MEF2A: variants seen among roughly 807,000 people sequenced by gnomAD.
MEF2A encodes myocyte enhancer factor 2A.
Under a neutral mutation model 55.8 loss-of-function variants are expected in MEF2A, and 28 were observed. The ratio of observed to expected loss-of-function variants is 0.50; its 90% CI spans 0.37 to 0.69. MEF2A has a LOEUF of 0.69. Ranked by LOEUF, MEF2A falls within the 30% of genes least tolerant of loss-of-function variation. The probability of loss-of-function intolerance (pLI) is 0.00; values close to 1 mark genes in which losing one functional copy is unlikely to be tolerated. For synonymous variants in MEF2A, 239 were observed against 227.1 expected, an observed-to-expected ratio of 1.05 and a Z score of -0.47; for missense variants, 528 against 626.2, an observed-to-expected ratio of 0.84 and a Z score of 1.67.
At chr15:99,602,375 A>G (rs567029357) in intron 2 of MEF2A, among the ~76,000 whole-genome samples, 1 of 152,168 alleles carries the variant, frequency 6.6e-6, no homozygotes, top group Non-Finnish European at 1.5e-5. Context: ...CTGAAGTCGT[A>G]TGTATGCTTC....
intron 7 of MEF2A, among the ~76,000 whole-genome samples, chr15:99,687,119 G>T (rs567487245): frequency 2.2e-5 from 3 of 136,406 alleles, no homozygotes; most frequent in African/African-American, 5.5e-5. Flanking sequence ...TGTAGAGACG[G>T]GGTTTCACCA....
Position 99,689,740 on chromosome 15 carries a change from C to T in MEF2A, c.671-501C>T, listed in dbSNP as rs574450206. Among the ~76,000 whole-genome samples, 38 of 152,282 alleles carry T rather than the reference C, an allele frequency of 2.5e-4. 1 individual carries two copies. Among genetic ancestry groups the T allele is most frequent in the African/African-American group, 8.4e-4 (35 of 41,558 alleles). ...AAGTGATTCACCCTCCTCGGCATAC[C>T]GAAGTGCTGGGATTACAGGCGTGAG... On this transcript the variant is annotated intron_variant, in intron 7 of 11. Transcript: ENST00000557942.
intron 1 of MEF2A, among the ~76,000 whole-genome samples, chr15:99,596,009 C>G (rs1311677986): frequency 6.6e-6 from 1 of 151,998 alleles, no homozygotes; most frequent in Non-Finnish European, 1.5e-5. Flanking sequence ...TGACTCAGCA[C>G]TAACATTCTA....
intron 1 of MEF2A, among the ~76,000 whole-genome samples, chr15:99,569,017 TA>T (rs781127689): frequency 1.2e-4 from 18 of 152,130 alleles, no homozygotes; most frequent in Admixed American, 6.5e-4. Context: ...ATAATAAGTG[TA>T]AATATGGAAA....
intron 5 of MEF2A, among the ~76,000 whole-genome samples, chr15:99,673,132 T>A (rs117693346): frequency 1.2e-4 from 18 of 152,332 alleles, no homozygotes; most frequent in Non-Finnish European, 2.4e-4. Flanking sequence ...CATGTCAGGT[T>A]TGGAATTCTC....
chr15:99,697,213 C>T (rs1232498032), intron 8 of MEF2A, among the ~76,000 whole-genome samples: 1 of 151,490 alleles, frequency 6.6e-6, no homozygotes, highest in Non-Finnish European at 1.5e-5. Context: ...TCATATTTAC[C>T]ATGGTAGTAA....
chr15:99,646,592 A>C (rs907620661), intron 4 of MEF2A, among the ~76,000 whole-genome samples: 14 of 152,106 alleles, frequency 9.2e-5, no homozygotes, highest in African/African-American at 3.1e-4. Context: ...CTTTGGTGAA[A>C]GTACTGAAAC....
rs1045377318 is a variant in MEF2A at position 99,571,302 on chromosome 15, T to C, written c.-225+5198T>C. ...CTTTGTGTTCTTCAGCAAGTTCTTA[T>C]GATTTTTGAGGCTTAGTGTATAAAA... On this transcript the variant is annotated intron_variant, in intron 1 of 11. Coordinates refer to ENST00000557942, the MANE Select transcript of MEF2A (RefSeq NM_001319206.4). 5.9e-5 allele frequency among the ~76,000 whole-genome samples: 9 copies of C among 152,222 alleles called. 1 individual carries two copies. The East Asian group carries it at 1.2e-3, about 20-fold the overall frequency.
At chr15:99,630,345 C>T (rs983399488) in intron 2 of MEF2A, among the ~76,000 whole-genome samples, 2 of 151,520 alleles carry the variant, frequency 1.3e-5, no homozygotes, top group African/African-American at 4.9e-5. Context: ...TGGGTTGATT[C>T]TTTCTTCAGC....
At chr15:99,620,341 T>TA (rs2040928648) in intron 2 of MEF2A, among the ~76,000 whole-genome samples, 2 of 152,304 alleles carry the variant, frequency 1.3e-5, no homozygotes, top group East Asian at 1.9e-4. Context: ...ACCCACCTCT[T>TA]ACGCTCCTCC....
rs986141263 is a variant in MEF2A at position 99,622,868 on chromosome 15, A to AT, written c.-142-10101dup. 6.0e-5 allele frequency among the ~76,000 whole-genome samples: 9 copies of AT among 150,212 alleles called. No individual in the cohort carries two copies. In the South Asian group the frequency reaches 6.4e-4, roughly 11 times the overall value. ...CAGGCGCCGCCACCATGCCCGGCTA[A>AT]TTTTTTTTTGTATTTTTAGTAGAGA... On this transcript the variant is annotated intron_variant, in intron 2 of 11. Coordinates refer to ENST00000557942, the MANE Select transcript of MEF2A (RefSeq NM_001319206.4).
At position 99,712,543 on chromosome 15, in the gene MEF2A, GCCA is replaced by G. The variant is rs770541901; in HGVS notation, c.1296_1298del (p.Pro433del). The G allele has an allele frequency of 6.5e-5, 101 of 1,550,422 alleles. No individual in the cohort carries two copies. The East Asian group carries it at 8.6e-4, about 13-fold the overall frequency. Reference sequence around the variant, plus strand: ...AGCAGCAGCAGCAGCAGCAGCCGCCGCCACCACCGCAGCCCCAGCCACAACCCC... The same window carrying G: ...AGCAGCAGCAGCAGCAGCAGCCGCCGCCACCGCAGCCCCAGCCACAACCCC... On this transcript the variant is annotated inframe_deletion, in exon 12 of 12. Transcript: ENST00000557942. The surrounding 1 kb of genome is among the most constrained non-coding windows in gnomAD (Gnocchi z 4.1).
intron 2 of MEF2A, among the ~76,000 whole-genome samples, chr15:99,607,129 A>G (rs1002079979): frequency 7.2e-5 from 11 of 152,188 alleles, no homozygotes; most frequent in Non-Finnish European, 8.8e-5. Context: ...AGCTATGATG[A>G]TTAGGGATAT....
chr15:99,612,087 G>A (rs1164145982), intron 2 of MEF2A, among the ~76,000 whole-genome samples: 1 of 152,060 alleles, frequency 6.6e-6, no homozygotes, highest in Non-Finnish European at 1.5e-5. Flanking sequence ...ATTAGATAGT[G>A]GTAATAGTTG....
At chr15:99,656,093 A>G (rs1461966931) in intron 4 of MEF2A, among the ~76,000 whole-genome samples, 1 of 152,164 alleles carries the variant, frequency 6.6e-6, no homozygotes, top group Non-Finnish European at 1.5e-5. Context: ...ATCATAAATT[A>G]AGAGTATTTA....
At chr15:99,570,939 CT>C (rs956849398) in intron 1 of MEF2A, among the ~76,000 whole-genome samples, 3 of 152,048 alleles carry the variant, frequency 2.0e-5, no homozygotes, top group Non-Finnish European at 4.4e-5. Context: ...AATTCCAGAA[CT>C]TTGGGAGGTG....
chr15:99,670,471 G>T (rs1043807580), intron 4 of MEF2A, among the ~76,000 whole-genome samples: 1 of 152,120 alleles, frequency 6.6e-6, no homozygotes, highest in Admixed American at 6.5e-5. Flanking sequence ...TTAGCCGGGC[G>T]TGGTGGCGGG....
At chr15:99,629,535 G>A (rs868209263) in intron 2 of MEF2A, among the ~76,000 whole-genome samples, 1 of 152,160 alleles carries the variant, frequency 6.6e-6, no homozygotes, top group Non-Finnish European at 1.5e-5. Context: ...AAAGGGGAAG[G>A]GGTGTCTGTA....
intron 4 of MEF2A, among the ~76,000 whole-genome samples, chr15:99,650,481 C>T (rs898451627): frequency 7.9e-5 from 12 of 152,146 alleles, no homozygotes; most frequent in African/African-American, 1.2e-4. Flanking sequence ...CTAGTAAAGA[C>T]TTCATTTGAA....
Sources: gnomAD v4.1 joint callset for allele counts (sites outside exome capture counted in the v4.1 genomes callset) on GRCh38, gnomAD v4.1.1 for gene constraint, Gnocchi (gnomAD v3.1) non-coding constraint, MANE v1.5 for transcripts, NCBI Gene and HGNC (gene_info 2026-07-23, HGNC 2026-07-21) for gene names.